Variants in P2RY6 observed in about 807,000 individuals in gnomAD.
P2RY6 encodes pyrimidinergic receptor P2Y6.
P2RY6 carries 19 observed loss-of-function variants against 16.3 expected under a neutral mutation model. The observed-to-expected ratio is 1.16, with a 90% CI of 0.81 to 1.71. P2RY6 has a LOEUF of 1.71. P2RY6 is among the 40% of genes most tolerant of loss of function. The probability of loss-of-function intolerance (pLI) is 0.00; values close to 1 mark genes in which losing one functional copy is unlikely to be tolerated. For synonymous variants in P2RY6, 184 were observed against 201.5 expected (o/e 0.91, Z 0.74); for missense variants, 389 against 455.5 (o/e 0.85, Z 1.33).
At chr11:73,269,441 G>A (rs959807474), upstream of P2RY6, among the ~76,000 whole-genome samples, 9 of 152,182 alleles carry the variant, frequency 5.9e-5, no homozygotes, top group African/African-American at 2.2e-4. Flanking sequence ...CAAATCTCCC[G>A]TGACATCTGG....
At chr11:73,267,983 C>T (rs1216681652), upstream of P2RY6, among the ~76,000 whole-genome samples, 1 of 152,238 alleles carries the variant, frequency 6.6e-6, no homozygotes, top group Non-Finnish European at 1.5e-5. Context: ...TGCTGCTGAG[C>T]TAAGCTAGAA....
chr11:73,272,234 G>A (rs1863342408), upstream of P2RY6: 3 of 472,570 alleles, frequency 6.3e-6, no homozygotes, highest in South Asian at 8.9e-5. Context: ...GGAGCTTCAG[G>A]GTTCTCGGGA....
At chr11:73,281,380 G>A (rs898065469) in intron 1 of P2RY6, among the ~76,000 whole-genome samples, 1 of 152,208 alleles carries the variant, frequency 6.6e-6, no homozygotes, top group African/African-American at 2.4e-5. Context: ...GCACAGACTA[G>A]CTGAGCTGTG....
intron 1 of P2RY6, among the ~76,000 whole-genome samples, chr11:73,280,454 C>T (rs1863712651): frequency 6.6e-6 from 1 of 152,192 alleles, no homozygotes; most frequent in Non-Finnish European, 1.5e-5. Flanking sequence ...CTTCAACAGG[C>T]CTCTCACAGA....
At chr11:73,264,855 A>G (rs1009857670) in intron 1 of P2RY6, among the ~76,000 whole-genome samples, 5 of 91,720 alleles carry the variant, frequency 5.5e-5, no homozygotes, top group Admixed American at 4.7e-4. Context: ...ACTCCGTCTA[A>G]AAAAAAAAAG....
At chr11:73,271,319 C>A (rs925063582), upstream of P2RY6, among the ~76,000 whole-genome samples, 17 of 152,184 alleles carry the variant, frequency 1.1e-4, no homozygotes, top group African/African-American at 3.9e-4. Context: ...GGACGAGCCG[C>A]GGACAAAACC....
intron 1 of P2RY6, among the ~76,000 whole-genome samples, chr11:73,280,886 G>A (rs1863733021): frequency 2.6e-5 from 4 of 152,292 alleles, no homozygotes; most frequent in Middle Eastern, 6.8e-3. Context: ...TATAGAGAGG[G>A]CGTAGAAAGA....
At chr11:73,289,114 G>A (rs976291297) in intron 1 of P2RY6, among the ~76,000 whole-genome samples, 1 of 152,222 alleles carries the variant, frequency 6.6e-6, no homozygotes, top group Non-Finnish European at 1.5e-5. Context: ...AGGCTGTGGG[G>A]TCATGTAAAG....
intron 2 of P2RY6, 57 bp from the exon 3 acceptor site, chr11:73,296,427 AG>A: frequency 6.8e-7 from 1 of 1,480,494 alleles, no homozygotes; most frequent in East Asian, 2.3e-5. Context: ...GAGGAGGGGC[AG>A]GGCCTGCTGG....
chr11:73,270,867 T>G (rs1280642131), upstream of P2RY6, among the ~76,000 whole-genome samples: 2 of 151,940 alleles, frequency 1.3e-5, no homozygotes, highest in African/African-American at 2.4e-5. Context: ...ATCTGGCAAA[T>G]CTAGATGGGG....
At position 73,296,818 on chromosome 11, in the gene P2RY6, C is replaced by T. The variant is rs1264271903; in HGVS notation, c.300C>T (p.Arg100=). ...DHWPFGDFAC[R]LVRFLFYANL... ...GGCCCTTTGGCGACTTCGCCTGCCG[C>T]CTGGTCCGCTTCCTCTTCTATGCCA... Residue 100 remains arginine, a synonymous_variant, in exon 3 of 3, where the codon CGC becomes CGT. Transcript: ENST00000540124. The T allele has an allele frequency of 1.2e-6, 2 of 1,610,610 alleles. No homozygotes were observed. The highest frequency in any genetic ancestry group is 4.5e-5 in the East Asian group (2 of 44,886).
At chr11:73,280,414 T>C (rs1422056303) in intron 1 of P2RY6, among the ~76,000 whole-genome samples, 1 of 152,174 alleles carries the variant, frequency 6.6e-6, no homozygotes, top group Non-Finnish European at 1.5e-5. Flanking sequence ...TTCAAGCACA[T>C]CCAGAGCAGC....
At chr11:73,283,711 GGGCCT>G (rs1219044691) in intron 1 of P2RY6, among the ~76,000 whole-genome samples, 1 of 152,198 alleles carries the variant, frequency 6.6e-6, no homozygotes, top group Non-Finnish European at 1.5e-5. Context: ...GCTCTGCCCT[GGGCCT>G]GACTGTAAGT....
intron 1 of P2RY6, 61 bp downstream of exon 1, chr11:73,272,527 C>G: frequency 1.0e-6 from 1 of 984,382 alleles, no homozygotes; most frequent in Non-Finnish European, 1.2e-6. Context: ...TAGGAGCTTC[C>G]TGAGTAACTG....
intron 1 of P2RY6, among the ~76,000 whole-genome samples, chr11:73,285,575 G>A (rs987387597): frequency 8.5e-5 from 13 of 152,224 alleles, no homozygotes; most frequent in Non-Finnish European, 1.6e-4. Flanking sequence ...TTGGGGTTTG[G>A]CGACAGGCAG....
chr11:73,288,585 T>C (rs979482475), intron 1 of P2RY6, among the ~76,000 whole-genome samples: 1 of 152,232 alleles, frequency 6.6e-6, no homozygotes, highest in Non-Finnish European at 1.5e-5. Context: ...GTCTTCTGGG[T>C]GCCAGGGAGG....
upstream of P2RY6, among the ~76,000 whole-genome samples, chr11:73,269,336 G>C (rs1336312686): frequency 1.3e-5 from 2 of 152,180 alleles, no homozygotes; most frequent in Non-Finnish European, 2.9e-5. Flanking sequence ...GCTGAGCTGG[G>C]AGAGCCTGCG....
In P2RY6 at chr11:73,266,748, A is replaced by G. The variant is rs141983463; in HGVS notation, c.-281+2099A>G. Among the ~76,000 whole-genome samples the G allele has an allele frequency of 1.5e-4, 23 of 151,490 alleles. No individual in the cohort carries two copies. In the East Asian group the frequency reaches 4.5e-3, roughly 30 times the overall value. ...TGGGGAGGGAACCTAAATATATCTC[A>G]TGGTGACGGGGTGCCATGATGGGCC... On this transcript the variant is annotated intron_variant, in intron 1 of 3. Transcript: ENST00000349767.
intron 1 of P2RY6, among the ~76,000 whole-genome samples, chr11:73,280,803 G>A (rs1042777367): frequency 7.9e-5 from 12 of 152,300 alleles, no homozygotes; most frequent in Middle Eastern, 3.4e-3. Context: ...GCGTGCAAGG[G>A]GCAGGAATGG....
Sources: allele counts gnomAD v4.1 joint callset (sites outside exome capture counted in the v4.1 genomes callset), GRCh38; gene constraint gnomAD v4.1.1; transcripts MANE v1.5; gene names NCBI Gene and HGNC (gene_info 2026-07-23, HGNC 2026-07-21).